SORL1: variants seen among roughly 807,000 people sequenced by gnomAD.
SORL1 encodes sortilin related receptor 1.
Under a neutral mutation model 273.7 loss-of-function variants are expected in SORL1, and 127 were observed. The observed-to-expected ratio is 0.46, with a 90% confidence interval of 0.40 to 0.54. The LOEUF (loss-of-function observed/expected upper bound fraction) is 0.54, where lower values mean the gene tolerates loss of function less well. SORL1 is among the 20% of genes least tolerant of loss of function. The pLI is 0.00. For missense variants in SORL1, 2,494 were observed against 2,846.1 expected, an observed-to-expected ratio of 0.88 and a Z score of 2.81; for synonymous variants, 1,031 against 1,067.4, an observed-to-expected ratio of 0.97 and a Z score of 0.66.
chr11:121,586,263 A>T lies in SORL1; in HGVS notation c.3748A>T (p.Ile1250Phe). Reference sequence around the variant, plus strand: ...ATTCCGCTGCCCAAACGGCACTTGCATCCCATCCAGCAAACATTGTGATGG... The same window carrying T: ...ATTCCGCTGCCCAAACGGCACTTGCTTCCCATCCAGCAAACATTGTGATGG... The part of the protein sequence containing the change: ...NGFRCPNGTC[I>F]PSSKHCDGLR... The change falls in exon 27 of 48, where the codon ATC becomes TTC. Residue 1250 changes from isoleucine (I) to phenylalanine (F), a missense_variant. By Grantham distance (21) the Ile-to-Phe change is conservative. Around this residue, in one of 3 missense-constraint regions of SORL1, gnomAD observed 1,609 missense variants for 1,816.4 expected, o/e 0.89. Coordinates refer to ENST00000260197, the MANE Select transcript of SORL1 (RefSeq NM_003105.6). 6.2e-7 allele frequency: 1 copy of T among 1,614,126 alleles called. No homozygotes were observed. The highest frequency in any genetic ancestry group is 8.5e-7 in the Non-Finnish European group (1 of 1,179,974).
rs538727340 is a variant in SORL1 at position 121,596,828 on chromosome 11, ATT to A, written c.4519+1065_4519+1066del. Among the ~76,000 whole-genome samples the A allele has an allele frequency of 7.8e-4, 115 of 147,024 alleles. No homozygotes were observed. Among genetic ancestry groups the A allele is most frequent in the African/African-American group, 2.7e-3 (109 of 40,142 alleles). On this transcript the variant is annotated intron_variant, in intron 32 of 47. Coordinates refer to ENST00000260197, the MANE Select transcript of SORL1 (RefSeq NM_003105.6). The surrounding 1 kb of genome is among the most constrained non-coding windows in gnomAD (Gnocchi z 4.3). Reference sequence around the variant, plus strand: ...CCACTTTGATCCCTGTTCTGGTCCCATTTTTTTTTTAATCTTAAAATAATGAC... The same window carrying A: ...CCACTTTGATCCCTGTTCTGGTCCCATTTTTTTTAATCTTAAAATAATGAC...
rs1379714507 is a variant in SORL1, at chr11:121,627,102, C to G, written c.6365-453C>G. 5.7e-6 allele frequency: 1 copy of G among 176,284 alleles called. No individual in the cohort carries two copies. The highest frequency in any genetic ancestry group is 1.2e-5 in the Non-Finnish European group (1 of 81,066). The allele number at this position is 176,284 out of a possible 1,614,324, so 10.9% of individuals were successfully genotyped here. On this transcript the variant is annotated intron_variant, in intron 46 of 47. Coordinates refer to ENST00000260197, the MANE Select transcript of SORL1 (RefSeq NM_003105.6). This position sits in a 1 kb window ranked among gnomAD's most constrained non-coding sequence, Gnocchi z 4.9. ...TGGTGTAGGAATCTCGTTTGTATCACTTAATGGAGCTTCAGGTAATTGCAG... is the reference window on the plus strand; with the variant it reads ...TGGTGTAGGAATCTCGTTTGTATCAGTTAATGGAGCTTCAGGTAATTGCAG...
At chr11:121,618,677 T>C in intron 41 of SORL1, 97 bp from the exon 42 acceptor site, 3 of 1,460,942 alleles carry the variant, frequency 2.1e-6, no homozygotes, top group African/African-American at 1.4e-5. Context: ...CTGTGAGCTC[T>C]TTTGAAGCAG....
Position 121,618,844 on chromosome 11 carries a change from T to A in SORL1, c.5675T>A (p.Leu1892His), listed in dbSNP as rs1230749337. 6 of 1,614,042 alleles carry A rather than the reference T, an allele frequency of 3.7e-6. No homozygotes were observed. The highest frequency in any genetic ancestry group is 2.7e-5 in the African/African-American group (2 of 74,918). Residue 1892 changes from leucine to histidine, a missense_variant, in exon 42 of 48, where the codon CTC becomes CAC. By Grantham distance (99) the Leu-to-His change is moderately conservative. Around this residue, in one of 3 missense-constraint regions of SORL1, gnomAD observed 1,609 missense variants for 1,816.4 expected, o/e 0.89. Coordinates refer to ENST00000260197, the MANE Select transcript of SORL1 (RefSeq NM_003105.6). ...AACCCGAAGAGCTTGACTACTTCACTCCACAACAAGACGGTCATTGTCAGT... is the reference window on the plus strand; with the variant it reads ...AACCCGAAGAGCTTGACTACTTCACACCACAACAAGACGGTCATTGTCAGT... ...YRNPKSLTTS[L>H]HNKTVIVSKD...
intron 47 of SORL1, chr11:121,629,124 G>C (rs1313134129): frequency 5.0e-6 from 1 of 200,360 alleles, no homozygotes; most frequent in Admixed American, 5.5e-5. Flanking sequence ...GTTCAGAAGA[G>C]AAAGCAGACA....
intron 24 of SORL1, chr11:121,576,677 G>A: frequency 1.7e-6 from 2 of 1,202,950 alleles, no homozygotes; most frequent in Non-Finnish European, 2.2e-6. Context: ...TCCCCTTCTT[G>A]GTCAAGCTCT....
chr11:121,509,852 T>C lies in SORL1; in HGVS notation c.940-3151T>C, dbSNP rs886169490. 5.3e-5 allele frequency among the ~76,000 whole-genome samples: 8 copies of C among 152,352 alleles called. No homozygotes were observed. The South Asian group carries it at 1.0e-3, about 20-fold the overall frequency. On this transcript the variant is annotated intron_variant, in intron 6 of 47. Transcript: ENST00000260197. ...TTATAAATTCTCAGACTCTATAAGA[T>C]TGAATTAGATTCAAATATTTAAATC...
Position 121,630,477 on chromosome 11 carries a change from A to G in SORL1, c.*914A>G, listed in dbSNP as rs1250689304. 6.6e-6 allele frequency: 1 copy of G among 152,240 alleles called. No individual in the cohort carries two copies. The highest frequency in any genetic ancestry group is 1.5e-5 in the Non-Finnish European group (1 of 68,038). The allele number at this position is 152,240 out of a possible 1,614,324, so 9.4% of individuals were successfully genotyped here. A position where few individuals can be genotyped will look rare whatever the true frequency, so the allele number is the denominator to read the frequency against. On this transcript the variant is annotated 3_prime_UTR_variant, in exon 48 of 48. Transcript: ENST00000260197. ...ATCCATACACTGGCTAATAGAGTAC[A>G]TAATTTTTCCATTTTCCATTTTTTG...
At chr11:121,582,112 C>T (rs1424613333) in intron 25 of SORL1, among the ~76,000 whole-genome samples, 1 of 152,154 alleles carries the variant, frequency 6.6e-6, no homozygotes, top group Non-Finnish European at 1.5e-5. Context: ...CCAAATACAG[C>T]CTTGGTCCTT....
chr11:121,525,635 A>G (rs1862109819), intron 11 of SORL1, among the ~76,000 whole-genome samples: 1 of 152,218 alleles, frequency 6.6e-6, no homozygotes. Context: ...TAAGCATGTG[A>G]TAATATCTCA....
At chr11:121,607,319 C>A in intron 37 of SORL1, 29 bp downstream of exon 37, 3 of 1,314,090 alleles carry the variant, frequency 2.3e-6, no homozygotes, top group Non-Finnish European at 3.3e-6. Context: ...TCCAGCCATC[C>A]ATGCAGTCTT....
chr11:121,469,437 A>G (rs926530717), intron 1 of SORL1, among the ~76,000 whole-genome samples: 2 of 152,224 alleles, frequency 1.3e-5, no homozygotes, highest in Admixed American at 6.5e-5. Flanking sequence ...TACCAAATCT[A>G]AAAGTCTGAG....
intron 45 of SORL1, among the ~76,000 whole-genome samples, chr11:121,623,558 A>G (rs1425496206): frequency 6.6e-6 from 1 of 152,230 alleles, no homozygotes; most frequent in Non-Finnish European, 1.5e-5. Context: ...TGTAATCTCA[A>G]TTATTTTCTT....
chr11:121,609,638 GTGTT>G, intron 38 of SORL1: 1 of 152,348 alleles, frequency 6.6e-6, no homozygotes, highest in East Asian at 1.9e-4. Context: ...CATCCAAAAA[GTGTT>G]TGTTGTAAAA....
chr11:121,622,133 C>G, intron 44 of SORL1, 29 bp from the exon 45 acceptor site: 4 of 1,230,964 alleles, frequency 3.2e-6, no homozygotes, highest in African/African-American at 1.5e-5. Context: ...TATCCACTAA[C>G]CGCATCCCAT....
In SORL1 at chr11:121,540,522, C is replaced by CAAAAAAAAAAAAA. The variant is rs34608652; in HGVS notation, c.1686-3024_1686-3012dup. On this transcript the variant is annotated intron_variant, in intron 12 of 47. Coordinates refer to ENST00000260197, the MANE Select transcript of SORL1 (RefSeq NM_003105.6). ...TGAAATCCTATCTCTACTAAAAATA[C>CAAAAAAAAAAAAA]AAAAAAAAAAAAAAGAATGCAAAGA... Among the ~76,000 whole-genome samples the CAAAAAAAAAAAAA allele has an allele frequency of 5.3e-4, 55 of 103,774 alleles. 1 individual carries two copies. The highest frequency in any genetic ancestry group is 4.4e-3 in the East Asian group (16 of 3,644). The allele number at this position is 103,774 out of a possible 152,430, so 68.1% of individuals were successfully genotyped here. A position where few individuals can be genotyped will look rare whatever the true frequency, so the allele number is the denominator to read the frequency against.
At chr11:121,622,031 CTA>C in intron 44 of SORL1, 129 bp from the exon 45 acceptor site, 1 of 606,212 alleles carries the variant, frequency 1.6e-6, no homozygotes, top group Non-Finnish European at 2.9e-6. Context: ...ACTCAGCAAT[CTA>C]TGTGTTTTAT....
chr11:121,532,041 T>C (rs1862209593), intron 11 of SORL1, among the ~76,000 whole-genome samples: 1 of 152,082 alleles, frequency 6.6e-6, no homozygotes, highest in African/African-American at 2.4e-5. Flanking sequence ...CTGGTAGTTG[T>C]TTTTTGTCCA....
At position 121,590,083 on chromosome 11, in the gene SORL1, T is replaced by G. The variant is rs1380969439; in HGVS notation, c.4122T>G (p.Phe1374Leu). 1.2e-6 allele frequency: 2 copies of G among 1,614,146 alleles called. No individual in the cohort carries two copies. The highest frequency in any genetic ancestry group is 2.2e-5 in the East Asian group (1 of 44,880). ...EAPNCSRYFQ[F>L]RCENGHCIPN... is the part of the protein sequence containing the mutation. ...CAAACTGCTCCCGCTACTTCCAGTT[T>G]CGGTGTGAGAATGGCCACTGCATCC... The change falls in exon 30 of 48, where the codon TTT becomes TTG. Residue 1374 changes from phenylalanine to leucine, a missense_variant. By Grantham distance (22) the Phe-to-Leu change is conservative. Transcript: ENST00000260197.
Sources: gnomAD v4.1 joint callset for allele counts (sites outside exome capture counted in the v4.1 genomes callset) on GRCh38, gnomAD v4.1.1 for gene constraint, gnomAD v4.1.1 regional missense constraint, Gnocchi (gnomAD v3.1) non-coding constraint, MANE v1.5 for transcripts, NCBI Gene and HGNC (gene_info 2026-07-23, HGNC 2026-07-21) for gene names.